C8orf34: variants seen among roughly 807,000 people sequenced by gnomAD.
C8orf34 encodes the protein chromosome 8 open reading frame 34, also known as uncharacterized protein C8orf34.
C8orf34 carries 65 observed loss-of-function variants against 68.3 expected under a neutral mutation model. The observed-to-expected ratio is 0.95, with a 90% confidence interval of 0.78 to 1.17. C8orf34 has a LOEUF of 1.17. Ranked by LOEUF, C8orf34 falls within the 50% of genes most tolerant of loss-of-function variation. C8orf34 has a pLI of 0.00. For synonymous variants in C8orf34, 244 were observed against 241.2 expected, an observed-to-expected ratio of 1.01 and a Z score of -0.11; for missense variants, 664 against 655.4, an observed-to-expected ratio of 1.01 and a Z score of -0.14.
At chr8:68,636,412 A>G (rs1585651239) in intron 7 of C8orf34, among the ~76,000 whole-genome samples, 2 of 55,792 alleles carry the variant, frequency 3.6e-5, no homozygotes, top group African/African-American at 9.5e-5. Flanking sequence ...TGCCTCTACT[A>G]AAAAAAAAAA....
intron 1 of C8orf34, among the ~76,000 whole-genome samples, chr8:68,360,859 T>C (rs1806961933): frequency 6.6e-6 from 1 of 151,560 alleles, no homozygotes; most frequent in Non-Finnish European, 1.5e-5. Flanking sequence ...TTTGAGTGAT[T>C]CTCATGCCTT....
At chr8:68,601,568 T>G (rs1369231) in intron 7 of C8orf34, among the ~76,000 whole-genome samples, 62,583 of 151,936 alleles carry the variant, frequency 0.41, 13,861 homozygotes, top group Non-Finnish European at 0.5. Context: ...CTTTTATAAT[T>G]TGTGCTTGAG....
chr8:68,333,903 G>T (rs1338029528), intron 1 of C8orf34, among the ~76,000 whole-genome samples: 1 of 152,132 alleles, frequency 6.6e-6, no homozygotes, highest in Non-Finnish European at 1.5e-5. Flanking sequence ...AAAATATGCG[G>T]TATCTGATAA....
Position 68,470,786 on chromosome 8 carries a change from T to G in C8orf34, c.736+1966T>G, listed in dbSNP as rs139824107. On this transcript the variant is annotated intron_variant, in intron 4 of 13. Transcript: ENST00000518698. ...GGGCAAGGGAGCTCTCAGAGGCCTC[T>G]TTTATAAGGGCAGTAATCCCAATCA... Among the ~76,000 whole-genome samples the G allele has an allele frequency of 2.9e-4, 44 of 152,186 alleles. No individual in the cohort carries two copies. In the East Asian group the frequency reaches 7.7e-3, roughly 27 times the overall value.
chr8:68,794,815 C>G (rs1824130367), intron 12 of C8orf34, among the ~76,000 whole-genome samples: 1 of 151,798 alleles, frequency 6.6e-6, no homozygotes, highest in Admixed American at 6.6e-5. Flanking sequence ...TTATACATAC[C>G]AGTTGAGGAC....
chr8:68,439,394 A>G, intron 1 of C8orf34, 105 bp from the exon 2 acceptor site: 1 of 1,002,866 alleles, frequency 1.0e-6, no homozygotes, highest in Non-Finnish European at 1.4e-6. Flanking sequence ...TGCTGTATAT[A>G]AAGCAGTTAG....
intron 11 of C8orf34, among the ~76,000 whole-genome samples, chr8:68,781,321 A>G (rs992484795): frequency 1.3e-5 from 2 of 152,312 alleles, no homozygotes; most frequent in South Asian, 2.1e-4. Flanking sequence ...ATAGAATAAT[A>G]TATTGATTCA....
intron 10 of C8orf34, among the ~76,000 whole-genome samples, chr8:68,753,521 T>G (rs1349237967): frequency 6.6e-6 from 1 of 152,222 alleles, no homozygotes; most frequent in Non-Finnish European, 1.5e-5. Context: ...AAGAGTTAGA[T>G]AAGATTTCAA....
chr8:68,662,560 C>T (rs1819713431), intron 8 of C8orf34, among the ~76,000 whole-genome samples: 1 of 152,180 alleles, frequency 6.6e-6, no homozygotes, highest in Admixed American at 6.5e-5. Context: ...CTCTTGCCTG[C>T]TGCCATGTAC....
chr8:68,378,422 A>G (rs1463755271), intron 1 of C8orf34, among the ~76,000 whole-genome samples: 1 of 152,022 alleles, frequency 6.6e-6, no homozygotes, highest in African/African-American at 2.4e-5. Flanking sequence ...TCAACCTTCC[A>G]AGTAGCTGGA....
In C8orf34 at chr8:68,446,317, T is replaced by C; in HGVS notation, c.476-12T>C. ...ACTTTGTTGCCATTTTATATATATTTTGTTTTAACAGAATCCAAAGGAACA... is the reference window on the plus strand; with the variant it reads ...ACTTTGTTGCCATTTTATATATATTCTGTTTTAACAGAATCCAAAGGAACA... On this transcript the variant is annotated splice_polypyrimidine_tract_variant and intron_variant, in intron 2 of 13. Coordinates refer to ENST00000518698, the MANE Select transcript of C8orf34 (RefSeq NM_052958.4). 2 of 1,571,724 alleles carry C rather than the reference T, an allele frequency of 1.3e-6. No individual in the cohort carries two copies. The highest frequency in any genetic ancestry group is 1.7e-6 in the Non-Finnish European group (2 of 1,165,094).
At chr8:68,557,372 A>G (rs1034036089) in intron 7 of C8orf34, among the ~76,000 whole-genome samples, 1 of 152,222 alleles carries the variant, frequency 6.6e-6, no homozygotes, top group African/African-American at 2.4e-5. Flanking sequence ...CTTGAGCCCC[A>G]AAAGCTTAAC....
intron 5 of C8orf34, among the ~76,000 whole-genome samples, chr8:68,503,340 C>G (rs1472051529): frequency 6.6e-6 from 1 of 152,014 alleles, no homozygotes; most frequent in Non-Finnish European, 1.5e-5. Flanking sequence ...ATGAGATTTG[C>G]TTTGACATAA....
At chr8:68,491,156 T>C (rs1464062526) in intron 5 of C8orf34, among the ~76,000 whole-genome samples, 1 of 152,166 alleles carries the variant, frequency 6.6e-6, no homozygotes, top group African/African-American at 2.4e-5. Context: ...TTACATTACT[T>C]TGTGAACTCT....
At chr8:68,622,299 A>G (rs1818409486) in intron 7 of C8orf34, among the ~76,000 whole-genome samples, 3 of 152,342 alleles carry the variant, frequency 2.0e-5, no homozygotes, top group African/African-American at 7.2e-5. Flanking sequence ...TTCTTCAGTT[A>G]AAAGCAAATC....
chr8:68,639,199 G>A (rs1009738120), intron 7 of C8orf34, among the ~76,000 whole-genome samples: 1 of 151,896 alleles, frequency 6.6e-6, no homozygotes, highest in African/African-American at 2.4e-5. Flanking sequence ...TAAACAAGGG[G>A]AATAAGCCTT....
chr8:68,468,752 T>TTGA lies in C8orf34; in HGVS notation c.672_674dup (p.Asp224dup), dbSNP rs1244747895. On this transcript the variant is annotated inframe_insertion, in exon 4 of 14. Coordinates refer to ENST00000518698, the MANE Select transcript of C8orf34 (RefSeq NM_052958.4). Reference sequence around the variant, plus strand: ...AGGACTAAACCACAAAGCCGTGATTTTGATGAATTGAATCACATCCTTCAG... The same window carrying TTGA: ...AGGACTAAACCACAAAGCCGTGATTTTGATGATGAATTGAATCACATCCTTCAG... 1 of 1,612,634 alleles carries TTGA rather than the reference T, an allele frequency of 6.2e-7. No individual in the cohort carries two copies. Among genetic ancestry groups the TTGA allele is most frequent in the Non-Finnish European group, 8.5e-7 (1 of 1,179,180 alleles).
chr8:68,685,907 TAA>T (rs1326753786), intron 8 of C8orf34, among the ~76,000 whole-genome samples: 4 of 150,358 alleles, frequency 2.7e-5, no homozygotes, highest in African/African-American at 9.8e-5. Context: ...AATAAATAAA[TAA>T]ATAAATAAAT....
chr8:68,643,631 G>A (rs780772140), intron 8 of C8orf34, among the ~76,000 whole-genome samples: 3 of 152,098 alleles, frequency 2.0e-5, no homozygotes, highest in Admixed American at 6.5e-5. Flanking sequence ...GTGGGAGGGT[G>A]AGCTAGCTTT....
Sources: gnomAD v4.1 joint callset for allele counts (sites outside exome capture counted in the v4.1 genomes callset) on GRCh38, gnomAD v4.1.1 for gene constraint, MANE v1.5 for transcripts, NCBI Gene and HGNC (gene_info 2026-07-23, HGNC 2026-07-21) for gene names.